The following BTG4 variants were observed in gnomAD, a reference collection of about 807,000 sequenced individuals.
The protein encoded by BTG4 is BTG anti-proliferation factor 4, also known as protein BTG4.
BTG4 carries 10 observed loss-of-function variants against 19.3 expected under a neutral mutation model. The ratio of observed to expected loss-of-function variants is 0.52; its 90% CI spans 0.32 to 0.88. BTG4 has a LOEUF of 0.88. Among genes scored for constraint, BTG4 ranks in the 40% least tolerant of loss-of-function variants. The pLI is 0.04. For synonymous variants in BTG4, 91 were observed against 95.7 expected, an observed-to-expected ratio of 0.95 and a Z score of 0.29; for missense variants, 238 against 281.9, an observed-to-expected ratio of 0.84 and a Z score of 1.11.
At chr11:111,421,351 G>T in the BTG4 span, among the ~76,000 whole-genome samples, 1 of 152,200 alleles carries the variant, frequency 6.6e-6, no homozygotes, top group Non-Finnish European at 1.5e-5. Context: ...ACCTGGCTTT[G>T]TGTCTGAGTT....
chr11:111,426,823 G>A, the BTG4 span, among the ~76,000 whole-genome samples: 10 of 152,320 alleles, frequency 6.6e-5, no homozygotes, highest in East Asian at 1.2e-3. Flanking sequence ...CTCCCAGGCC[G>A]GTGTGGGAAA....
chr11:111,460,217 A>C, the BTG4 span: 1 of 152,510 alleles, frequency 6.6e-6, no homozygotes, highest in Non-Finnish European at 1.5e-5. Context: ...CACAGGTCTA[A>C]TCCCAATCTC....
the BTG4 span, among the ~76,000 whole-genome samples, chr11:111,433,807 C>T: frequency 1.3e-5 from 2 of 152,212 alleles, no homozygotes; most frequent in African/African-American, 4.8e-5. Context: ...AAAAAATGCT[C>T]ATCACTGGTC....
At chr11:111,397,790 C>T in the BTG4 span, 1 of 152,148 alleles carries the variant, frequency 6.6e-6, no homozygotes, top group South Asian at 2.1e-4. Context: ...GAAATATCAC[C>T]ACATTTCAGC....
chr11:111,406,339 G>T, the BTG4 span, among the ~76,000 whole-genome samples: 1 of 152,158 alleles, frequency 6.6e-6, no homozygotes, highest in Non-Finnish European at 1.5e-5. Context: ...TGCATGCCTG[G>T]AGTCGGGGAT....
At chr11:111,478,778 A>C (rs1565448410) in intron 5 of BTG4, among the ~76,000 whole-genome samples, 1 of 152,104 alleles carries the variant, frequency 6.6e-6, no homozygotes, top group Non-Finnish European at 1.5e-5. Context: ...AAAAATCATC[A>C]ATGTTTTTAG....
chr11:111,476,861 C>G (rs1864427637), intron 5 of BTG4, among the ~76,000 whole-genome samples: 1 of 152,080 alleles, frequency 6.6e-6, no homozygotes, highest in African/African-American at 2.4e-5. Context: ...GAAGGCAAGT[C>G]TTAGTTTGAT....
the BTG4 span, chr11:111,386,254 A>G: frequency 6.6e-6 from 1 of 152,214 alleles, no homozygotes; most frequent in Non-Finnish European, 1.5e-5. Flanking sequence ...TATAACTTAC[A>G]TCATGTAATT....
chr11:111,411,903 C>T, the BTG4 span, among the ~76,000 whole-genome samples: 1 of 152,044 alleles, frequency 6.6e-6, no homozygotes, highest in Admixed American at 6.6e-5. Flanking sequence ...TTGAGGGAAT[C>T]ATGAAGGTAT....
chr11:111,513,081 G>A, upstream of BTG4: 1 of 441,394 alleles, frequency 2.3e-6, no homozygotes, highest in East Asian at 7.4e-5. Context: ...CAGCCTTCGA[G>A]AGAAGATGCC....
the BTG4 span, among the ~76,000 whole-genome samples, chr11:111,452,927 T>C: frequency 6.6e-6 from 1 of 151,910 alleles, no homozygotes; most frequent in African/African-American, 2.4e-5. Flanking sequence ...GGTTGGTAAG[T>C]TGAGGAGGGG....
chr11:111,476,676 T>A (rs1864416194), intron 5 of BTG4, among the ~76,000 whole-genome samples: 1 of 152,166 alleles, frequency 6.6e-6, no homozygotes, highest in Admixed American at 6.5e-5. Flanking sequence ...TTGATTGAAA[T>A]CGTGCTTTCA....
At chr11:111,465,554 G>C (rs141562397), downstream of BTG4, among the ~76,000 whole-genome samples, 752 of 152,270 alleles carry the variant, frequency 4.9e-3, 3 homozygotes, top group African/African-American at 0.017. Context: ...TGAAGCTCCT[G>C]GATAGGTCAA....
chr11:111,498,491 C>G (rs923095937), intron 2 of BTG4, 113 bp downstream of exon 2: 2 of 901,198 alleles, frequency 2.2e-6, no homozygotes, highest in African/African-American at 3.4e-5. Flanking sequence ...TAAACTCGAG[C>G]CCATAAAACT....
the BTG4 span, among the ~76,000 whole-genome samples, chr11:111,388,444 A>T: frequency 6.6e-6 from 1 of 151,502 alleles, no homozygotes; most frequent in African/African-American, 2.4e-5. Context: ...TTTTCTATCT[A>T]TCCCCTTTCA....
chr11:111,417,997 TG>T, the BTG4 span: 1 of 152,244 alleles, frequency 6.6e-6, no homozygotes, highest in African/African-American at 2.4e-5. Context: ...ACGTCGCCTC[TG>T]ATCATCCACG....
At chr11:111,511,611 AAG>A (rs1202096027) in intron 1 of BTG4, among the ~76,000 whole-genome samples, 1 of 152,238 alleles carries the variant, frequency 6.6e-6, no homozygotes, top group East Asian at 1.9e-4. Context: ...GGTGAGGATA[AAG>A]AGAACATTCC....
chr11:111,413,976 C>T, the BTG4 span, among the ~76,000 whole-genome samples: 2 of 152,208 alleles, frequency 1.3e-5, no homozygotes, highest in Non-Finnish European at 2.9e-5. Context: ...CCCGCCCCCA[C>T]CTCAGCTAGC....
chr11:111,413,170 C>A, the BTG4 span, among the ~76,000 whole-genome samples: 5 of 152,150 alleles, frequency 3.3e-5, no homozygotes, highest in African/African-American at 9.7e-5. Context: ...CAAGAGTCAG[C>A]GTAAACCATC....
Sources: allele counts gnomAD v4.1 joint callset (sites outside exome capture counted in the v4.1 genomes callset), GRCh38; gene constraint gnomAD v4.1.1; transcripts MANE v1.5; gene names NCBI Gene and HGNC (gene_info 2026-07-23, HGNC 2026-07-21).